The following TENM2 variants were observed in gnomAD, a reference collection of about 807,000 sequenced individuals.
The protein encoded by TENM2 is teneurin-2.
Under a neutral mutation model 245.2 loss-of-function variants are expected in TENM2, and 52 were observed. The observed-to-expected ratio is 0.21, with a 90% CI of 0.17 to 0.27. The LOEUF (loss-of-function observed/expected upper bound fraction) is 0.27, where lower values mean the gene tolerates loss of function less well. TENM2 is among the 10% of genes least tolerant of loss of function. The pLI, the probability that TENM2 is intolerant of heterozygous loss-of-function variation, is 1.00. For synonymous variants in TENM2, 1,363 were observed against 1,438.9 expected (o/e 0.95, Z 1.19); for missense variants, 3,046 against 3,666.8 (o/e 0.83, Z 4.37).
intron 2 of TENM2, among the ~76,000 whole-genome samples, chr5:167,536,853 A>C (rs1394756339): frequency 1.3e-5 from 2 of 151,660 alleles, no homozygotes; most frequent in Non-Finnish European, 2.9e-5. Flanking sequence ...CCCTGTCTCT[A>C]CTAAAAATAT....
At chr5:167,221,601 A>G in the TENM2 span, among the ~76,000 whole-genome samples, 1 of 152,196 alleles carries the variant, frequency 6.6e-6, no homozygotes, top group Admixed American at 6.5e-5. Context: ...GTAGCAAGCA[A>G]TTTATAGAAT....
At chr5:167,054,015 C>A in the TENM2 span, among the ~76,000 whole-genome samples, 1 of 152,250 alleles carries the variant, frequency 6.6e-6, no homozygotes, top group African/African-American at 2.4e-5. Context: ...GCATTTGTTA[C>A]AATAGGCAAA....
intron 2 of TENM2, among the ~76,000 whole-genome samples, chr5:167,641,194 C>T (rs1279961191): frequency 6.6e-6 from 1 of 151,842 alleles, no homozygotes; most frequent in Non-Finnish European, 1.5e-5. Flanking sequence ...AAGTTCATTG[C>T]AAAACCTAAA....
chr5:167,847,276 A>G (rs1329134426), intron 2 of TENM2, among the ~76,000 whole-genome samples: 2 of 152,072 alleles, frequency 1.3e-5, no homozygotes, highest in African/African-American at 2.4e-5. Flanking sequence ...ATCCCACATA[A>G]ATGTCTTTTC....
intron 5 of TENM2, among the ~76,000 whole-genome samples, chr5:168,034,827 C>T (rs1787517616): frequency 2.0e-5 from 3 of 152,062 alleles, no homozygotes; most frequent in South Asian, 4.2e-4. Context: ...AGAGAGCATG[C>T]AGGAGGAGAT....
At chr5:167,130,441 G>A in the TENM2 span, among the ~76,000 whole-genome samples, 2 of 152,188 alleles carry the variant, frequency 1.3e-5, no homozygotes, top group African/African-American at 4.8e-5. Context: ...CATGAGGCAG[G>A]TACTCTTATG....
At chr5:167,948,948 A>C (rs183798125) in intron 3 of TENM2, 11 of 152,316 alleles carry the variant, frequency 7.2e-5, no homozygotes, top group Non-Finnish European at 1.2e-4. Flanking sequence ...GCATGTTGTC[A>C]GCATTGTTTG....
intron 9 of TENM2, among the ~76,000 whole-genome samples, chr5:168,111,299 C>T (rs950317758): frequency 7.2e-5 from 11 of 152,198 alleles, no homozygotes; most frequent in African/African-American, 2.6e-4. Flanking sequence ...TGAACTTTGG[C>T]CCTCTGAGCC....
intron 2 of TENM2, among the ~76,000 whole-genome samples, chr5:167,468,030 G>T (rs937476691): frequency 2.0e-4 from 30 of 152,186 alleles, no homozygotes; most frequent in Non-Finnish European, 1.9e-4. Flanking sequence ...TCTGCCTCCC[G>T]GGTTCAAGCG....
chr5:167,036,039 G>A, the TENM2 span, among the ~76,000 whole-genome samples: 2 of 152,186 alleles, frequency 1.3e-5, no homozygotes, highest in Admixed American at 6.5e-5. Context: ...CACTGCATCT[G>A]GCCAGATAAT....
At chr5:167,363,551 G>A (rs995292598) in intron 1 of TENM2, among the ~76,000 whole-genome samples, 1 of 151,878 alleles carries the variant, frequency 6.6e-6, no homozygotes, top group Non-Finnish European at 1.5e-5. Context: ...TTAACACGGT[G>A]AAACCCTGTC....
chr5:167,440,310 A>T (rs370901214), intron 2 of TENM2, among the ~76,000 whole-genome samples: 35 of 152,224 alleles, frequency 2.3e-4, no homozygotes, highest in African/African-American at 8.4e-4. Flanking sequence ...GCTAAGTGAA[A>T]TGTAGAACTA....
At chr5:167,519,512 G>T (rs1770616903) in intron 2 of TENM2, among the ~76,000 whole-genome samples, 1 of 152,060 alleles carries the variant, frequency 6.6e-6, no homozygotes, top group African/African-American at 2.4e-5. Flanking sequence ...TAAAAAATAA[G>T]GATTCTAGAT....
intron 2 of TENM2, among the ~76,000 whole-genome samples, chr5:167,516,148 G>A (rs925584075): frequency 2.6e-5 from 4 of 152,024 alleles, no homozygotes; most frequent in African/African-American, 7.2e-5. Context: ...TAGGACAATC[G>A]AATATAATCT....
the TENM2 span, among the ~76,000 whole-genome samples, chr5:167,175,923 T>G: frequency 6.6e-6 from 1 of 152,178 alleles, no homozygotes. Context: ...TTGGCGAGGT[T>G]GGTCTTGAAC....
chr5:168,138,589 G>A (rs1252664475), intron 12 of TENM2, among the ~76,000 whole-genome samples: 1 of 152,222 alleles, frequency 6.6e-6, no homozygotes, highest in Non-Finnish European at 1.5e-5. Flanking sequence ...CAAGTTCCTT[G>A]GAACAGCTGG....
intron 5 of TENM2, among the ~76,000 whole-genome samples, chr5:168,016,172 T>C (rs1199760677): frequency 6.6e-6 from 1 of 152,206 alleles, no homozygotes; most frequent in African/African-American, 2.4e-5. Flanking sequence ...CCTATGGGAT[T>C]GTACTCTTTT....
intron 12 of TENM2, among the ~76,000 whole-genome samples, chr5:168,142,809 T>C (rs1252443189): frequency 6.6e-6 from 1 of 152,176 alleles, no homozygotes; most frequent in Non-Finnish European, 1.5e-5. Flanking sequence ...CAGCAAAACA[T>C]ACTATTCAGA....
intron 3 of TENM2, chr5:167,948,868 G>A (rs1474028493): frequency 6.6e-6 from 1 of 152,198 alleles, no homozygotes; most frequent in African/African-American, 2.4e-5. Flanking sequence ...CCGTTTCATA[G>A]TAAGTTGAAG....
Sources: gnomAD v4.1 joint callset for allele counts (sites outside exome capture counted in the v4.1 genomes callset) on GRCh38, gnomAD v4.1.1 for gene constraint, MANE v1.5 for transcripts, NCBI Gene and HGNC (gene_info 2026-07-23, HGNC 2026-07-21) for gene names.